The following NEBL variants were observed in gnomAD, a reference collection of about 807,000 sequenced individuals.
NEBL encodes the protein nebulette, also known as LIM and SH3 protein 2.
NEBL carries 122 observed loss-of-function variants against 140.2 expected under a neutral mutation model. That is an observed-to-expected ratio of 0.87 (90% confidence interval 0.75 to 1.01). NEBL has a LOEUF of 1.01. Ranked by LOEUF, NEBL falls within the 50% of genes least tolerant of loss-of-function variation. The pLI, the probability that NEBL is intolerant of heterozygous loss-of-function variation, is 0.00. For missense variants in NEBL, 1,365 were observed against 1,231.3 expected (o/e 1.11, Z -1.62); for synonymous variants, 436 against 398.9 (o/e 1.09, Z -1.11).
In NEBL at chr10:21,104,432, G is replaced by C. The variant is rs139286511; in HGVS notation, c.164+67951C>G. Among the ~76,000 whole-genome samples the C allele has an allele frequency of 3.3e-5, 5 of 152,232 alleles. No homozygotes were observed. In the East Asian group the frequency reaches 9.6e-4, roughly 29 times the overall value. On this transcript the variant is annotated intron_variant, in intron 2 of 6. Transcript: ENST00000417816. ...CCAGCAACATTTTGTAGTTTCCAGT[G>C]TAGAAGTTTTACACATTTTTCCTCA...
At position 20,910,276 on chromosome 10, in the gene NEBL, C is replaced by A. The variant is rs536045501; in HGVS notation, c.357+51396G>T. Among the ~76,000 whole-genome samples, 3 of 152,228 alleles carry A rather than the reference C, an allele frequency of 2.0e-5. No individual in the cohort carries two copies. In the South Asian group the frequency reaches 6.2e-4, roughly 32 times the overall value. On this transcript the variant is annotated intron_variant, in intron 4 of 6. Transcript: ENST00000417816. ...TTTATATATGTTATCATGGCTCTGACAATTCTTTATAGTATTTATCTGCCA... is the reference window on the plus strand; with the variant it reads ...TTTATATATGTTATCATGGCTCTGAAAATTCTTTATAGTATTTATCTGCCA...
chr10:20,960,291 C>G (rs1835992147), intron 4 of NEBL, among the ~76,000 whole-genome samples: 4 of 151,904 alleles, frequency 2.6e-5, no homozygotes, highest in African/African-American at 9.7e-5. Context: ...TGTAATAGAT[C>G]ATTGATTTGC....
At chr10:20,868,443 C>A in intron 7 of NEBL, 4 of 507,334 alleles carry the variant, frequency 7.9e-6, no homozygotes, top group East Asian at 7.2e-5. Context: ...CAGATTTATG[C>A]CTGGAGAAAA....
At chr10:20,978,740 G>T (rs1836907232) in intron 3 of NEBL, among the ~76,000 whole-genome samples, 1 of 149,336 alleles carries the variant, frequency 6.7e-6, no homozygotes, top group South Asian at 2.1e-4. Context: ...GGAAGCCAGA[G>T]CGAGACCCTA....
chr10:21,233,897 C>CAT (rs1295412090), intron 3 of NEBL, among the ~76,000 whole-genome samples: 2 of 132,390 alleles, frequency 1.5e-5, no homozygotes, highest in Non-Finnish European at 3.3e-5. Context: ...ATATATATTA[C>CAT]ATATATATGC....
chr10:21,104,353 C>T (rs1837614128), intron 2 of NEBL, among the ~76,000 whole-genome samples: 1 of 152,150 alleles, frequency 6.6e-6, no homozygotes, highest in Admixed American at 6.6e-5. Flanking sequence ...ATTGAGTCTT[C>T]CAATCTATGA....
chr10:20,951,031 A>T (rs1422393604), intron 4 of NEBL, among the ~76,000 whole-genome samples: 1 of 152,208 alleles, frequency 6.6e-6, no homozygotes, highest in Non-Finnish European at 1.5e-5. Flanking sequence ...GCACTTTAGG[A>T]AGCTGAGATG....
intron 3 of NEBL, among the ~76,000 whole-genome samples, chr10:21,018,357 G>A (rs1389484157): frequency 6.6e-6 from 1 of 152,112 alleles, no homozygotes; most frequent in Admixed American, 6.6e-5. Flanking sequence ...CTAACTTGAC[G>A]AGAAGAAAGG....
chr10:21,201,610 C>T (rs1841737440), intron 3 of NEBL, among the ~76,000 whole-genome samples: 1 of 152,054 alleles, frequency 6.6e-6, no homozygotes, highest in African/African-American at 2.4e-5. Flanking sequence ...CAACATATTT[C>T]AAAAAGTGAC....
chr10:20,867,921 C>G (rs981293771), intron 7 of NEBL: 27 of 152,042 alleles, frequency 1.8e-4, no homozygotes, highest in African/African-American at 6.3e-4. Context: ...GATTTAATTT[C>G]AGTGGTTTTC....
intron 3 of NEBL, among the ~76,000 whole-genome samples, chr10:20,978,364 A>T (rs998455293): frequency 6.6e-6 from 1 of 152,152 alleles, no homozygotes; most frequent in African/African-American, 2.4e-5. Context: ...CAAGTAATAT[A>T]CAAGGCCATT....
intron 2 of NEBL, among the ~76,000 whole-genome samples, chr10:21,039,739 A>G (rs1161148769): frequency 6.6e-6 from 1 of 152,176 alleles, no homozygotes; most frequent in African/African-American, 2.4e-5. Context: ...AATAATACCT[A>G]GACTAATTTT....
chr10:20,857,702 A>T (rs1010373113), intron 9 of NEBL, among the ~76,000 whole-genome samples: 1 of 152,190 alleles, frequency 6.6e-6, no homozygotes, highest in Non-Finnish European at 1.5e-5. Context: ...TATTTTCATC[A>T]AGACATGAAG....
chr10:20,850,155 G>A (rs1026202573), intron 11 of NEBL, among the ~76,000 whole-genome samples: 2 of 152,082 alleles, frequency 1.3e-5, no homozygotes, highest in African/African-American at 2.4e-5. Context: ...AGAACTGAGG[G>A]GGATTTTAAA....
chr10:20,994,565 G>A (rs895236504), intron 3 of NEBL, among the ~76,000 whole-genome samples: 5 of 152,166 alleles, frequency 3.3e-5, no homozygotes, highest in African/African-American at 1.2e-4. Flanking sequence ...CTTGAAGAAT[G>A]CAGGCATTAA....
At chr10:21,243,942 A>AAGGGGG (rs1334771080) in intron 3 of NEBL, among the ~76,000 whole-genome samples, 2 of 149,702 alleles carry the variant, frequency 1.3e-5, no homozygotes, top group African/African-American at 4.9e-5. Context: ...AGGGAAAGGG[A>AAGGGGG]AGGGGAAGGG....
intron 3 of NEBL, among the ~76,000 whole-genome samples, chr10:21,240,202 T>C (rs2132263416): frequency 6.6e-6 from 1 of 152,340 alleles, no homozygotes; most frequent in South Asian, 2.1e-4. Flanking sequence ...TGGAACCTAA[T>C]ATATTCACAA....
intron 1 of NEBL, among the ~76,000 whole-genome samples, chr10:21,258,471 G>T (rs775786405): frequency 5.3e-5 from 8 of 152,128 alleles, no homozygotes; most frequent in Non-Finnish European, 7.4e-5. Flanking sequence ...TTGGGAGGCC[G>T]AGACAGGTGG....
intron 4 of NEBL, among the ~76,000 whole-genome samples, chr10:20,914,324 C>T (rs1697780579): frequency 1.3e-5 from 2 of 152,164 alleles, no homozygotes; most frequent in Non-Finnish European, 1.5e-5. Flanking sequence ...GCCATAGAAA[C>T]CTTAAAAGAT....
Sources: gnomAD v4.1 joint callset for allele counts (sites outside exome capture counted in the v4.1 genomes callset) on GRCh38, gnomAD v4.1.1 for gene constraint, MANE v1.5 for transcripts, NCBI Gene and HGNC (gene_info 2026-07-23, HGNC 2026-07-21) for gene names.